Variants in TNRC6A observed in about 807,000 individuals in gnomAD.
TNRC6A encodes the protein trinucleotide repeat-containing gene 6A protein.
TNRC6A carries 44 observed loss-of-function variants against 221.2 expected under a neutral mutation model. The ratio of observed to expected loss-of-function variants is 0.20; its 90% confidence interval spans 0.16 to 0.26. TNRC6A has a LOEUF of 0.26. TNRC6A is among the 10% of genes least tolerant of loss of function. The pLI, the probability that TNRC6A is intolerant of heterozygous loss-of-function variation, is 1.00. For missense variants in TNRC6A, 2,199 were observed against 2,404.4 expected (o/e 0.91, Z 1.79); for synonymous variants, 847 against 838.5 (o/e 1.01, Z -0.18).
intron 4 of TNRC6A, among the ~76,000 whole-genome samples, chr16:24,771,193 T>C (rs1370550627): frequency 6.6e-6 from 1 of 152,252 alleles, no homozygotes; most frequent in Non-Finnish European, 1.5e-5. Flanking sequence ...TTTAACTCAC[T>C]TAAAATATTT....
In TNRC6A at chr16:24,791,410, G is replaced by A. The variant is rs1207801599; in HGVS notation, c.2768G>A (p.Gly923Glu). 6.4e-7 allele frequency: 1 copy of A among 1,559,154 alleles called. No homozygotes were observed. The highest frequency in any genetic ancestry group is 8.7e-7 in the Non-Finnish European group (1 of 1,154,720). Residue 923 changes from glycine to glutamate, a missense_variant, in exon 6 of 25, where the codon GGA becomes GAA. By Grantham distance (98) the Gly-to-Glu change is moderately conservative (BLOSUM62 -2). Around this residue, in one of 8 missense-constraint regions of TNRC6A, gnomAD observed 1,405 missense variants for 1,400.2 expected, o/e 1.00. Coordinates refer to ENST00000395799, the MANE Select transcript of TNRC6A (RefSeq NM_014494.4). ...SSKPTPSQGW[G>E]DPPKSNQSLG... ...AAACCTACTCCTTCCCAGGGATGGG[G>A]AGACCCTCCAAAGTCTAATCAGTCT...
chr16:24,724,753 T>C (rs568306157), upstream of TNRC6A, among the ~76,000 whole-genome samples: 1 of 152,044 alleles, frequency 6.6e-6, no homozygotes, highest in African/African-American at 2.4e-5. Flanking sequence ...AAATAAATAA[T>C]AAATAAATAA....
Position 24,789,370 on chromosome 16 carries a change from C to T in TNRC6A, c.728C>T (p.Pro243Leu). The change falls in exon 6 of 25, where the codon CCT (proline) becomes CTT (leucine). Residue 243 changes from proline to leucine, a missense_variant. Physicochemically the swap from Pro to Leu is moderately conservative, Grantham distance 98. Transcript: ENST00000395799. ...LSEKEAWPSA[P>L]GSDPELASEC... ...GAAAAAGAAGCATGGCCCTCAGCCC[C>T]TGGCAGTGATCCGGAGTTGGCTTCA... 2 of 1,614,198 alleles carry T rather than the reference C, an allele frequency of 1.2e-6. No homozygotes were observed. Among genetic ancestry groups the T allele is most frequent in the Non-Finnish European group, 1.7e-6 (2 of 1,180,030 alleles).
intron 5 of TNRC6A, 75 bp from the exon 6 acceptor site, chr16:24,789,157 A>AT: frequency 2.1e-6 from 3 of 1,409,566 alleles, no homozygotes; most frequent in Non-Finnish European, 2.9e-6. Flanking sequence ...CATATTCGTC[A>AT]TTTTTCTTAG....
chr16:24,804,969 T>C, intron 13 of TNRC6A, 45 bp from the exon 14 acceptor site: 1 of 1,614,108 alleles, frequency 6.2e-7, no homozygotes, highest in Non-Finnish European at 8.5e-7. Context: ...GAGATGTTTG[T>C]CCCTAAAGAA....
intron 18 of TNRC6A, among the ~76,000 whole-genome samples, chr16:24,811,162 G>A (rs62032803): frequency 6.2e-4 from 95 of 152,304 alleles, no homozygotes; most frequent in Non-Finnish European, 1.0e-3. Context: ...CTGAACAGGC[G>A]ACGGTCCTGG....
chr16:24,686,873 T>C (rs2055638050), intron 2 of TNRC6A, among the ~76,000 whole-genome samples: 1 of 152,106 alleles, frequency 6.6e-6, no homozygotes, highest in African/African-American at 2.4e-5. Flanking sequence ...AGTATTCTCA[T>C]CTGTAAAATG....
intron 18 of TNRC6A, among the ~76,000 whole-genome samples, chr16:24,810,576 G>GT (rs747848547): frequency 1.3e-5 from 2 of 152,196 alleles, no homozygotes; most frequent in Non-Finnish European, 2.9e-5. Context: ...CTTGAGAAGA[G>GT]TAAGTTTACC....
chr16:24,775,873 A>G (rs1420644683), intron 4 of TNRC6A, among the ~76,000 whole-genome samples: 6 of 152,230 alleles, frequency 3.9e-5, no homozygotes, highest in Non-Finnish European at 8.8e-5. Context: ...AGGATACATT[A>G]CAGCATTTCA....
chr16:24,737,914 A>G (rs1215814218), intron 2 of TNRC6A, among the ~76,000 whole-genome samples: 2 of 152,236 alleles, frequency 1.3e-5, no homozygotes, highest in African/African-American at 4.8e-5. Context: ...TTTAAATATC[A>G]TTTATTCCTT....
Position 24,797,474 on chromosome 16 carries a change from C to A in TNRC6A, c.3562-16C>A, listed in dbSNP as rs1449406331. 6.2e-7 allele frequency: 1 copy of A among 1,602,562 alleles called. No homozygotes were observed. Among genetic ancestry groups the A allele is most frequent in the African/African-American group, 1.3e-5 (1 of 74,438 alleles). The stretch of plus-strand genomic sequence containing the variant: ...AGATGGCCATGGCATCTTTTCTACT[C>A]TTTTATTTTACAAAGGGAATGATGA... On this transcript the variant is annotated splice_polypyrimidine_tract_variant and intron_variant, in intron 9 of 24. Transcript: ENST00000395799.
intron 17 of TNRC6A, among the ~76,000 whole-genome samples, chr16:24,807,701 C>T: frequency 7.2e-6 from 1 of 138,614 alleles, no homozygotes; most frequent in East Asian, 2.2e-4. Flanking sequence ...AGATTTTGAG[C>T]TTATATGTTG....
intron 2 of TNRC6A, among the ~76,000 whole-genome samples, chr16:24,745,008 T>C (rs2056973115): frequency 6.6e-6 from 1 of 152,194 alleles, no homozygotes; most frequent in Non-Finnish European, 1.5e-5. Flanking sequence ...TGCAGCTGCA[T>C]AATATTCCAT....
intron 2 of TNRC6A, among the ~76,000 whole-genome samples, chr16:24,652,269 A>T (rs1902715548): frequency 6.6e-6 from 1 of 152,208 alleles, no homozygotes; most frequent in Non-Finnish European, 1.5e-5. Flanking sequence ...AAAACCAATT[A>T]AGTAGAATTC....
intron 18 of TNRC6A, among the ~76,000 whole-genome samples, chr16:24,810,251 T>C (rs1026336977): frequency 2.0e-5 from 3 of 152,258 alleles, no homozygotes; most frequent in Admixed American, 6.5e-5. Flanking sequence ...TTTCATCTTA[T>C]TTAGTATTAT....
At chr16:24,676,830 C>A (rs2055428981) in intron 2 of TNRC6A, among the ~76,000 whole-genome samples, 2 of 152,122 alleles carry the variant, frequency 1.3e-5, no homozygotes, top group Admixed American at 6.6e-5. Context: ...TCTATGACAT[C>A]CCACTCCTAT....
chr16:24,686,283 C>T (rs1014880472), intron 2 of TNRC6A, among the ~76,000 whole-genome samples: 6 of 152,244 alleles, frequency 3.9e-5, no homozygotes, highest in African/African-American at 9.6e-5. Context: ...TTCCCTCACG[C>T]GAGCCGAGAG....
chr16:24,611,337 C>T (rs1233834520), intron 1 of TNRC6A, among the ~76,000 whole-genome samples: 4 of 152,230 alleles, frequency 2.6e-5, no homozygotes, highest in African/African-American at 4.8e-5. Context: ...GCCCAGTTCC[C>T]GCTGTGTGTA....
At chr16:24,780,986 G>A (rs1047956025) in intron 5 of TNRC6A, among the ~76,000 whole-genome samples, 3 of 143,758 alleles carry the variant, frequency 2.1e-5, no homozygotes, top group South Asian at 2.3e-4. Flanking sequence ...CCCCTTGGAC[G>A]ATAAACAAAC....
Sources: gnomAD v4.1 joint callset for allele counts (sites outside exome capture counted in the v4.1 genomes callset) on GRCh38, gnomAD v4.1.1 for gene constraint, gnomAD v4.1.1 regional missense constraint, MANE v1.5 for transcripts, NCBI Gene and HGNC (gene_info 2026-07-23, HGNC 2026-07-21) for gene names.